Variants in ABL1 observed in about 807,000 individuals in gnomAD.
The protein encoded by ABL1 is tyrosine-protein kinase ABL1.
Under a neutral mutation model 94.7 loss-of-function variants are expected in ABL1, and 11 were observed. That is an observed-to-expected ratio of 0.12 (90% CI 0.07 to 0.19). The LOEUF is 0.19. ABL1 is among the 10% of genes least tolerant of loss of function. The pLI is 1.00. For synonymous variants in ABL1, 656 were observed against 622.4 expected (o/e 1.05, Z -0.80); for missense variants, 1,082 against 1,489.4 (o/e 0.73, Z 4.50).
intron 1 of ABL1, among the ~76,000 whole-genome samples, chr9:130,841,609 G>A (rs964420150): frequency 1.9e-4 from 29 of 151,574 alleles, no homozygotes; most frequent in Non-Finnish European, 4.4e-5. Context: ...TCAGGAGTTC[G>A]AGACCAGCCT....
In ABL1 at chr9:130,872,815, T is replaced by C. The variant is rs34842572; in HGVS notation, c.908-45T>C. On this transcript the variant is annotated intron_variant, in intron 5 of 10. Coordinates refer to ENST00000318560, the MANE Select transcript of ABL1 (RefSeq NM_005157.6). This position sits in a 1 kb window ranked among gnomAD's most constrained non-coding sequence, Gnocchi z 5.0. The stretch of plus-strand genomic sequence containing the variant: ...TTCTTTAGACAGTTGTTTGTTCAGT[T>C]GGGAGCGGAGCCACGTGTTGAAGTC... 6,344 of 1,573,688 alleles carry C rather than the reference T, an allele frequency of 4.0e-3. 213 individuals are homozygous for C. In the African/African-American group the frequency reaches 0.075, roughly 19 times the overall value.
chr9:130,852,264 A>T (rs2132952008), intron 1 of ABL1, among the ~76,000 whole-genome samples: 1 of 152,036 alleles, frequency 6.6e-6, no homozygotes, highest in South Asian at 2.1e-4. Context: ...ATCTCAGCTC[A>T]CTGCAACCTC....
chr9:130,793,044 G>A (rs1191965300), intron 1 of ABL1, among the ~76,000 whole-genome samples: 1 of 152,162 alleles, frequency 6.6e-6, no homozygotes, highest in Non-Finnish European at 1.5e-5. Flanking sequence ...TATTGCCTCA[G>A]CCTCCCGAGT....
intron 1 of ABL1, among the ~76,000 whole-genome samples, chr9:130,731,431 A>G (rs1831665736): frequency 6.6e-6 from 1 of 152,192 alleles, no homozygotes; most frequent in East Asian, 1.9e-4. Context: ...CCCTAAGGTC[A>G]CAAAGAAGTT....
At chr9:130,753,028 G>A (rs1313899842) in intron 1 of ABL1, among the ~76,000 whole-genome samples, 1 of 151,572 alleles carries the variant, frequency 6.6e-6, no homozygotes, top group East Asian at 2.0e-4. Context: ...AGGCTGAGGC[G>A]GGTGGATCAC....
chr9:130,735,922 TGC>T (rs1238138734), intron 1 of ABL1, among the ~76,000 whole-genome samples: 2 of 132,224 alleles, frequency 1.5e-5, no homozygotes, highest in African/African-American at 5.9e-5. Flanking sequence ...TGTGTGTGTA[TGC>T]ATGTGTGTGC....
upstream of ABL1, among the ~76,000 whole-genome samples, chr9:130,834,472 T>C (rs1490729556): frequency 6.6e-6 from 1 of 152,236 alleles, no homozygotes; most frequent in African/African-American, 2.4e-5. Flanking sequence ...TTGTCTGTGG[T>C]CAGTCCAAAC....
intron 1 of ABL1, among the ~76,000 whole-genome samples, chr9:130,724,522 A>C (rs1831554016): frequency 6.6e-6 from 1 of 151,194 alleles, no homozygotes; most frequent in Non-Finnish European, 1.5e-5. Flanking sequence ...AATCTTTGAA[A>C]TTCTTGGCTG....
intron 1 of ABL1, among the ~76,000 whole-genome samples, chr9:130,820,567 T>TG (rs1830346948): frequency 6.6e-6 from 1 of 152,144 alleles, no homozygotes. Flanking sequence ...CACTGGGCGT[T>TG]GGGAGGAGAG....
intron 1 of ABL1, among the ~76,000 whole-genome samples, chr9:130,816,139 G>C (rs531456601): frequency 1.3e-5 from 2 of 152,048 alleles, no homozygotes; most frequent in Non-Finnish European, 2.9e-5. Context: ...CCTTCTTGCT[G>C]ACTCTGTTCC....
At chr9:130,831,887 C>A (rs1251852016), upstream of ABL1, among the ~76,000 whole-genome samples, 1 of 152,096 alleles carries the variant, frequency 6.6e-6, no homozygotes, top group African/African-American at 2.4e-5. Context: ...GGATTACAGG[C>A]GTGAGCTACT....
rs193045354 is a variant in ABL1, at chr9:130,769,802, A to G, written c.136+55347A>G. 2.7e-4 allele frequency among the ~76,000 whole-genome samples: 41 copies of G among 152,206 alleles called. No individual in the cohort carries two copies. In the East Asian group the frequency reaches 6.0e-3, roughly 22 times the overall value. ...CCCTTTTGAGATACAGAACAGTTCT[A>G]TCACCCCCTAGAATTCCCTTGTGCG... On this transcript the variant is annotated intron_variant, in intron 1 of 10. Coordinates refer to the ABL1 transcript ENST00000372348.
intron 1 of ABL1, among the ~76,000 whole-genome samples, chr9:130,784,461 G>A (rs1424439620): frequency 6.6e-6 from 1 of 152,158 alleles, no homozygotes; most frequent in Non-Finnish European, 1.5e-5. Flanking sequence ...CAGTTAATAA[G>A]GTCTTATATT....
chr9:130,852,501 G>T lies in ABL1; in HGVS notation c.80-1563G>T, dbSNP rs182336015. On this transcript the variant is annotated intron_variant, in intron 1 of 10. Coordinates refer to ENST00000318560, the MANE Select transcript of ABL1 (RefSeq NM_005157.6). ...TAGGGTTACAGGCATGAGCTACTGT[G>T]CCTGGCCCAGTTAGTGATTTTTAAA... is the stretch of plus-strand genomic sequence containing the variant. Among the ~76,000 whole-genome samples the T allele has an allele frequency of 2.0e-5, 3 of 152,170 alleles. No homozygotes were observed. In the East Asian group the frequency reaches 5.8e-4, roughly 29 times the overall value.
chr9:130,781,596 A>G (rs538532020), intron 1 of ABL1, among the ~76,000 whole-genome samples: 4 of 152,204 alleles, frequency 2.6e-5, no homozygotes, highest in African/African-American at 4.8e-5. Flanking sequence ...AGAATTCCAG[A>G]TAACATCTTA....
intron 1 of ABL1, among the ~76,000 whole-genome samples, chr9:130,722,010 G>A (rs537383032): frequency 2.0e-5 from 3 of 151,592 alleles, no homozygotes; most frequent in South Asian, 2.1e-4. Context: ...TTTTGATCTC[G>A]TGACCTCATG....
chr9:130,814,629 G>C lies in ABL1; in HGVS notation c.137-39435G>C, dbSNP rs1014902050. ...GCAGTGGCTTACGCCTGTAATCCCA[G>C]CACTTTGGTAGGCCGAGGTGGGCGG... On this transcript the variant is annotated intron_variant, in intron 1 of 10. Transcript: ENST00000372348. The surrounding 1 kb of genome is among the most constrained non-coding windows in gnomAD (Gnocchi z 4.4). Among the ~76,000 whole-genome samples, 1 of 152,252 alleles carries C rather than the reference G, an allele frequency of 6.6e-6. No individual in the cohort carries two copies. The highest frequency in any genetic ancestry group is 1.5e-5 in the Non-Finnish European group (1 of 68,042).
chr9:130,820,262 C>T (rs1830341723), intron 1 of ABL1, among the ~76,000 whole-genome samples: 1 of 152,104 alleles, frequency 6.6e-6, no homozygotes, highest in Non-Finnish European at 1.5e-5. Context: ...CCATAAGATG[C>T]AGGTGGGGTC....
chr9:130,750,889 T>G (rs1474782958), intron 1 of ABL1, among the ~76,000 whole-genome samples: 1 of 151,446 alleles, frequency 6.6e-6, no homozygotes, highest in Admixed American at 6.6e-5. Flanking sequence ...TCAGGTGATC[T>G]GCCCCTCAGC....
Sources: allele counts gnomAD v4.1 joint callset (sites outside exome capture counted in the v4.1 genomes callset), GRCh38; gene constraint gnomAD v4.1.1; non-coding constraint Gnocchi (gnomAD v3.1); transcripts MANE v1.5; gene names NCBI Gene and HGNC (gene_info 2026-07-23, HGNC 2026-07-21).